WIPF3: variants seen among roughly 807,000 people sequenced by gnomAD.
The protein encoded by WIPF3 is WAS/WASL-interacting protein family member 3.
In WIPF3, 33 loss-of-function variants were observed where a neutral mutation model predicts 38.9. The observed-to-expected ratio is 0.85, with a 90% CI of 0.64 to 1.14. The LOEUF is 1.14. Among genes scored for constraint, WIPF3 ranks in the 50% most tolerant of loss-of-function variants. The pLI, the probability that WIPF3 is intolerant of heterozygous loss-of-function variation, is 0.00. For synonymous variants in WIPF3, 324 were observed against 269.3 expected (o/e 1.20, Z -1.99); for missense variants, 711 against 652.5 (o/e 1.09, Z -0.98).
chr7:29,838,704 C>T (rs1187374647), intron 2 of WIPF3, among the ~76,000 whole-genome samples: 4 of 152,158 alleles, frequency 2.6e-5, no homozygotes, highest in Non-Finnish European at 5.9e-5. Context: ...CACAGTTAAA[C>T]ATGTGCATCC....
intron 8 of WIPF3, among the ~76,000 whole-genome samples, chr7:29,912,826 A>T (rs919737766): frequency 6.6e-6 from 1 of 152,236 alleles, no homozygotes; most frequent in African/African-American, 2.4e-5. Context: ...CTCACAAAAG[A>T]CAGACACCAT....
chr7:29,844,835 T>C lies in WIPF3; in HGVS notation c.90+10021T>C, dbSNP rs943801672. Among the ~76,000 whole-genome samples, 2 of 152,186 alleles carry C rather than the reference T, an allele frequency of 1.3e-5. No individual in the cohort carries two copies. The highest frequency in any genetic ancestry group is 2.9e-5 in the Non-Finnish European group (2 of 68,026). On this transcript the variant is annotated intron_variant, in intron 2 of 8. Transcript: ENST00000242140. This position sits in a 1 kb window ranked among gnomAD's most constrained non-coding sequence, Gnocchi z 4.8. ...GTCACTTACTGGGCAGGGCTATTAT[T>C]GGGACTCTGGCCGAACGGCTCCCGG...
rs374280179 is a variant in WIPF3 at position 29,875,883 on chromosome 7, G to A, written c.144G>A (p.Ala48=). Residue 48 remains alanine (A), a synonymous_variant, in exon 3 of 9, where the codon GCG becomes GCA. Transcript: ENST00000242140. ...LRRADPKGRS[A]LLADIQQGTR... ...GGGCAGATCCGAAAGGCCGGAGTGC[G>A]CTGTTGGCTGATATCCAGCAAGGAA... The A allele has an allele frequency of 1.6e-5, 26 of 1,613,956 alleles. No homozygotes were observed. The Middle Eastern group carries it at 4.9e-4, about 31-fold the overall frequency.
intron 7 of WIPF3, among the ~76,000 whole-genome samples, chr7:29,892,558 C>T (rs1005718954): frequency 6.6e-6 from 1 of 152,214 alleles, no homozygotes; most frequent in African/African-American, 2.4e-5. Flanking sequence ...CTTTGCATAC[C>T]TTATCATTTG....
chr7:29,858,329 G>A (rs1039241803), intron 2 of WIPF3, among the ~76,000 whole-genome samples: 10 of 152,236 alleles, frequency 6.6e-5, no homozygotes, highest in Middle Eastern at 3.4e-3. Flanking sequence ...TAGCGTGTGG[G>A]TTAACTTCAC....
rs1320437473 is a variant in WIPF3 at position 29,884,603 on chromosome 7, G to A, written c.1099+10G>A. 2 of 1,600,556 alleles carry A rather than the reference G, an allele frequency of 1.2e-6. No individual in the cohort carries two copies. The highest frequency in any genetic ancestry group is 1.7e-6 in the Non-Finnish European group (2 of 1,175,166). On this transcript the variant is annotated intron_variant, in intron 5 of 8. Coordinates refer to ENST00000242140, the MANE Select transcript of WIPF3 (RefSeq NM_001080529.3). ...AGGCATGGCCGACCAGGTAAGGAGC[G>A]CTGCCTGGCCCAGTGCCCCTGGTGG...
chr7:29,822,443 T>C lies in WIPF3; in HGVS notation c.-57-12225T>C, dbSNP rs542499617. 4.1e-4 allele frequency among the ~76,000 whole-genome samples: 62 copies of C among 152,346 alleles called. No homozygotes were observed. In the South Asian group the frequency reaches 9.5e-3, roughly 23 times the overall value. ...GGCTGCCCAAGATTCACTGTCTTCT[T>C]GGCCTACCTCATTCCTAGAATGTCC... is the stretch of plus-strand genomic sequence containing the variant. On this transcript the variant is annotated intron_variant, in intron 1 of 8. Transcript: ENST00000242140.
intron 7 of WIPF3, among the ~76,000 whole-genome samples, chr7:29,895,709 G>C (rs174991): frequency 0.65 from 98,325 of 151,988 alleles, 32,684 homozygotes; most frequent in East Asian, 0.83. Context: ...AGGAGCACTT[G>C]TGTCACGTGA....
At chr7:29,894,027 G>A (rs1304243904) in intron 7 of WIPF3, among the ~76,000 whole-genome samples, 3 of 152,208 alleles carry the variant, frequency 2.0e-5, no homozygotes, top group Non-Finnish European at 4.4e-5. Context: ...CGGCATGGCT[G>A]TGTTCCAATA....
rs1785775452 is a variant in WIPF3 at position 29,883,891 on chromosome 7, C to T, written c.397C>T (p.Pro133Ser). 6.3e-7 allele frequency: 1 copy of T among 1,577,794 alleles called. No homozygotes were observed. The highest frequency in any genetic ancestry group is 8.6e-7 in the Non-Finnish European group (1 of 1,160,244). Residue 133 changes from proline (P) to serine (S), a missense_variant, in exon 5 of 9, where the codon CCC (proline) becomes TCC (serine). Coordinates refer to ENST00000242140, the MANE Select transcript of WIPF3 (RefSeq NM_001080529.3). ...GGGCCCTGGCTCCCGCGCGCCCTCT[C>T]CCAGGCTTCCCAACAAAACCATCAG... ...GQGPGSRAPS[P>S]RLPNKTISGP... is the part of the protein sequence containing the mutation.
At chr7:29,887,573 C>G (rs550944081) in intron 5 of WIPF3, among the ~76,000 whole-genome samples, 234 of 152,286 alleles carry the variant, frequency 1.5e-3, no homozygotes, top group Middle Eastern at 3.4e-3. Context: ...TGCTGGAGAA[C>G]CAGTGTGAGC....
chr7:29,868,313 C>T (rs1785427927), intron 2 of WIPF3, among the ~76,000 whole-genome samples: 2 of 152,034 alleles, frequency 1.3e-5, no homozygotes, highest in Admixed American at 6.5e-5. Context: ...AAATGAGGCT[C>T]CAACTGGCCA....
chr7:29,862,251 A>G (rs1461999117), intron 2 of WIPF3, among the ~76,000 whole-genome samples: 2 of 152,178 alleles, frequency 1.3e-5, no homozygotes, highest in Admixed American at 1.3e-4. Flanking sequence ...CTAGACCATT[A>G]GACAACTCAG....
Position 29,806,521 on chromosome 7 carries a change from G to A in WIPF3, c.-215G>A, listed in dbSNP as rs920397077. 4.0e-5 allele frequency: 6 copies of A among 151,388 alleles called. No individual in the cohort carries two copies. The highest frequency in any genetic ancestry group is 5.9e-5 in the Non-Finnish European group (4 of 67,798). The allele number at this position is 151,388 out of a possible 1,614,324, so 9.4% of individuals were successfully genotyped here. A position where few individuals can be genotyped will look rare whatever the true frequency, so the allele number is the denominator to read the frequency against. On this transcript the variant is annotated 5_prime_UTR_variant, in exon 1 of 9. Coordinates refer to ENST00000242140, the MANE Select transcript of WIPF3 (RefSeq NM_001080529.3). ...CGTCCCGGCAGCACCAGAGCCGGTGGCCGGGGAGCGAGCCGGGCGCACCGA... is the reference window on the plus strand; with the variant it reads ...CGTCCCGGCAGCACCAGAGCCGGTGACCGGGGAGCGAGCCGGGCGCACCGA...
chr7:29,830,856 T>A lies in WIPF3; in HGVS notation c.-57-3812T>A, dbSNP rs140847927. Among the ~76,000 whole-genome samples the A allele has an allele frequency of 5.5e-3, 840 of 151,936 alleles. 5 individuals carry two copies. Among genetic ancestry groups the A allele is most frequent in the African/African-American group, 0.019 (773 of 41,456 alleles). ...GCTGAGCACCTACCGGGTGGGAGAG[T>A]CAAAAAGGTATAGAGCCAATCCTTA... On this transcript the variant is annotated intron_variant, in intron 1 of 8. Transcript: ENST00000242140.
intron 2 of WIPF3, among the ~76,000 whole-genome samples, chr7:29,871,354 T>A (rs936875267): frequency 6.6e-6 from 1 of 152,152 alleles, no homozygotes; most frequent in Admixed American, 6.5e-5. Flanking sequence ...AGGGGTAGGC[T>A]GAGGGCTGGG....
At chr7:29,911,296 G>T (rs1786500897) in intron 8 of WIPF3, among the ~76,000 whole-genome samples, 1 of 152,146 alleles carries the variant, frequency 6.6e-6, no homozygotes, top group African/African-American at 2.4e-5. Context: ...CCATGTTCAT[G>T]GGTTAGAAGA....
At chr7:29,896,418 G>A (rs940925252) in intron 7 of WIPF3, among the ~76,000 whole-genome samples, 6 of 152,134 alleles carry the variant, frequency 3.9e-5, no homozygotes, top group Non-Finnish European at 8.8e-5. Context: ...AGCTCGAGAC[G>A]AGCCTGGGCA....
At chr7:29,832,692 C>T (rs938669616) in intron 1 of WIPF3, among the ~76,000 whole-genome samples, 1 of 152,142 alleles carries the variant, frequency 6.6e-6, no homozygotes, top group African/African-American at 2.4e-5. Flanking sequence ...CTTAGGAAAA[C>T]TATCATGGAC....
Sources: allele counts gnomAD v4.1 joint callset (sites outside exome capture counted in the v4.1 genomes callset), GRCh38; gene constraint gnomAD v4.1.1; non-coding constraint Gnocchi (gnomAD v3.1); transcripts MANE v1.5; gene names NCBI Gene and HGNC (gene_info 2026-07-23, HGNC 2026-07-21).